STPG2: variants seen among roughly 807,000 people sequenced by gnomAD.
The protein encoded by STPG2 is sperm-tail PG-rich repeat-containing protein 2.
STPG2 carries 56 observed loss-of-function variants against 54.2 expected under a neutral mutation model. The ratio of observed to expected loss-of-function variants is 1.03; its 90% CI spans 0.83 to 1.29. STPG2 has a LOEUF of 1.29. Ranked by LOEUF, STPG2 falls within the 50% of genes most tolerant of loss-of-function variation. The probability of loss-of-function intolerance (pLI) is 0.00; values close to 1 mark genes in which losing one functional copy is unlikely to be tolerated. For synonymous variants in STPG2, 200 were observed against 181.8 expected (o/e 1.10, Z -0.81); for missense variants, 596 against 544.9 (o/e 1.09, Z -0.93).
chr4:97,523,994 A>G (rs897214379), intron 4 of STPG2, among the ~76,000 whole-genome samples: 1 of 152,068 alleles, frequency 6.6e-6, no homozygotes, highest in Middle Eastern at 3.4e-3. Flanking sequence ...ACCTGGGTTC[A>G]AGGGACATGG....
chr4:97,679,743 G>A lies in STPG2; in HGVS notation c.1320+32956C>T, dbSNP rs556164627. On this transcript the variant is annotated intron_variant, in intron 10 of 10. Coordinates refer to ENST00000295268, the MANE Select transcript of STPG2 (RefSeq NM_174952.3). ...TGGTAATGCCTAGGTTTTCTTCTAG[G>A]GTTTTTATGGTTTTAGGTCTAATGT... 5.9e-5 allele frequency among the ~76,000 whole-genome samples: 9 copies of A among 152,188 alleles called. No homozygotes were observed. In the South Asian group the frequency reaches 1.7e-3, roughly 28 times the overall value.
intron 4 of STPG2, among the ~76,000 whole-genome samples, chr4:97,530,778 A>AC (rs34192706): frequency 0.014 from 2,161 of 152,160 alleles, 25 homozygotes; most frequent in Non-Finnish European, 0.022. Context: ...TGTCAATGGC[A>AC]CCCCTCCCCC....
chr4:98,109,081 G>C (rs1739270509), intron 4 of STPG2, 112 bp downstream of exon 4: 1 of 552,878 alleles, frequency 1.8e-6, no homozygotes, highest in African/African-American at 1.9e-5. Context: ...AATACTTCTT[G>C]GAGTTTTTCA....
intron 8 of STPG2, among the ~76,000 whole-genome samples, chr4:97,847,698 C>A (rs560833414): frequency 6.6e-6 from 1 of 152,296 alleles, no homozygotes; most frequent in South Asian, 2.1e-4. Context: ...ACATCATTAT[C>A]CTCAGATAGC....
intron 9 of STPG2, among the ~76,000 whole-genome samples, chr4:97,828,603 G>A (rs766646185): frequency 6.6e-6 from 1 of 152,072 alleles, no homozygotes; most frequent in Non-Finnish European, 1.5e-5. Context: ...TGCCTCAGTG[G>A]GTCTCACCTC....
intron 7 of STPG2, among the ~76,000 whole-genome samples, chr4:97,959,399 T>C (rs887432814): frequency 5.9e-5 from 9 of 151,316 alleles, no homozygotes; most frequent in African/African-American, 2.2e-4. Context: ...ATTGAAACTA[T>C]ACAAAAGATA....
intron 10 of STPG2, among the ~76,000 whole-genome samples, chr4:97,703,606 TA>T (rs35054727): frequency 0.59 from 79,937 of 135,680 alleles, 23,822 homozygotes; most frequent in South Asian, 0.68. Context: ...ATAAGTAGTG[TA>T]TAGTATATAT....
chr4:97,805,605 G>A (rs1727534451), intron 9 of STPG2, among the ~76,000 whole-genome samples: 1 of 152,144 alleles, frequency 6.6e-6, no homozygotes, highest in African/African-American at 2.4e-5. Flanking sequence ...CCCCACTTAA[G>A]AATGGGGTTA....
At chr4:98,069,279 T>TTTTA (rs5860520) in intron 5 of STPG2, among the ~76,000 whole-genome samples, 59,728 of 151,546 alleles carry the variant, frequency 0.39, 12,011 homozygotes, top group Middle Eastern at 0.46. Context: ...AAATAATTGT[T>TTTTA]TTTAAGTTTT....
intron 4 of STPG2, among the ~76,000 whole-genome samples, chr4:97,463,827 C>A (rs1729726435): frequency 6.6e-6 from 1 of 152,128 alleles, no homozygotes; most frequent in African/African-American, 2.4e-5. Context: ...TGTTTAGTAA[C>A]ACCATATGTT....
intron 9 of STPG2, among the ~76,000 whole-genome samples, chr4:97,814,971 A>T (rs1424971388): frequency 3.3e-5 from 5 of 152,082 alleles, no homozygotes; most frequent in Non-Finnish European, 7.4e-5. Flanking sequence ...ACCCTGACTA[A>T]TACAGTATTT....
chr4:97,562,647 A>G (rs575480355), intron 10 of STPG2, among the ~76,000 whole-genome samples: 1 of 152,288 alleles, frequency 6.6e-6, no homozygotes, highest in South Asian at 2.1e-4. Flanking sequence ...AGTTTTTAGC[A>G]TGAAGGGTTG....
intron 10 of STPG2, among the ~76,000 whole-genome samples, chr4:97,697,339 A>G (rs1339660134): frequency 6.6e-6 from 1 of 152,248 alleles, no homozygotes; most frequent in Non-Finnish European, 1.5e-5. Context: ...TTGCAAAACT[A>G]AAAGAACAAA....
At chr4:97,706,438 G>GT (rs1320471117) in intron 10 of STPG2, among the ~76,000 whole-genome samples, 7 of 152,170 alleles carry the variant, frequency 4.6e-5, no homozygotes, top group Admixed American at 2.0e-4. Flanking sequence ...CTTCTGCCAT[G>GT]TGAGGACACA....
intron 5 of STPG2, among the ~76,000 whole-genome samples, chr4:98,013,100 C>T (rs1316627654): frequency 6.6e-6 from 1 of 152,148 alleles, no homozygotes. Context: ...TTATAAATGG[C>T]TCTTATCATT....
intron 8 of STPG2, among the ~76,000 whole-genome samples, chr4:97,928,916 G>T (rs1235155378): frequency 6.6e-6 from 1 of 151,934 alleles, no homozygotes; most frequent in Non-Finnish European, 1.5e-5. Context: ...GGGGGTCCAT[G>T]TGAAGGTTTG....
At chr4:98,142,002 C>A (rs1740299541) in intron 1 of STPG2, among the ~76,000 whole-genome samples, 1 of 148,090 alleles carries the variant, frequency 6.8e-6, no homozygotes, top group African/African-American at 2.5e-5. Flanking sequence ...GAAGTGTTTC[C>A]AAGAATAAAG....
intron 1 of STPG2, among the ~76,000 whole-genome samples, chr4:98,136,447 T>G (rs1284032963): frequency 6.6e-6 from 1 of 151,680 alleles, no homozygotes; most frequent in Non-Finnish European, 1.5e-5. Context: ...CAAAGACTAT[T>G]TTATAATAAA....
At chr4:97,679,353 G>A (rs1452645787) in intron 10 of STPG2, among the ~76,000 whole-genome samples, 1 of 152,062 alleles carries the variant, frequency 6.6e-6, no homozygotes, top group African/African-American at 2.4e-5. Flanking sequence ...TTGTGGTTTT[G>A]ATTTGCATTT....
Sources: allele counts gnomAD v4.1 joint callset (sites outside exome capture counted in the v4.1 genomes callset), GRCh38; gene constraint gnomAD v4.1.1; transcripts MANE v1.5; gene names NCBI Gene and HGNC (gene_info 2026-07-23, HGNC 2026-07-21).